The following SBNO2 variants were observed in gnomAD, a reference collection of about 807,000 sequenced individuals.
The protein encoded by SBNO2 is protein strawberry notch homolog 2.
SBNO2 carries 89 observed loss-of-function variants against 146.3 expected under a neutral mutation model. That is an observed-to-expected ratio of 0.61 (90% CI 0.51 to 0.73). The LOEUF is 0.73. SBNO2 is among the 30% of genes least tolerant of loss of function. SBNO2 has a pLI of 0.00. For synonymous variants in SBNO2, 1,147 were observed against 892.6 expected (o/e 1.29, Z -5.08); for missense variants, 2,092 against 2,003.7 (o/e 1.04, Z -0.84).
intron 2 of SBNO2, 28 bp from the exon 3 acceptor site, chr19:1,149,470 T>TG: frequency 6.5e-7 from 1 of 1,546,412 alleles, no homozygotes; most frequent in Non-Finnish European, 8.7e-7. Flanking sequence ...CATCAGTGAG[T>TG]GGGAAGCAGA....
rs1035444029 is a variant in SBNO2 at position 1,109,984 on chromosome 19, G to A, written c.3029-207C>T. Among the ~76,000 whole-genome samples the A allele has an allele frequency of 2.6e-5, 4 of 151,402 alleles. No homozygotes were observed. Among genetic ancestry groups the A allele is most frequent in the South Asian group, 2.1e-4 (1 of 4,776 alleles). ...AACCGCTCAGGTCCTAGGTAACCCC[G>A]AGCAGGCTGTGGGGGATCGTGGGAG... On this transcript the variant is annotated intron_variant, in intron 26 of 31. Transcript: ENST00000361757. The surrounding 1 kb of genome is among the most constrained non-coding windows in gnomAD (Gnocchi z 4.2).
chr19:1,166,117 C>T (rs1206651490), intron 1 of SBNO2, among the ~76,000 whole-genome samples: 2 of 109,370 alleles, frequency 1.8e-5, no homozygotes, highest in East Asian at 5.8e-4. Flanking sequence ...GATCTCAGAC[C>T]CCAGATCCCA....
intron 1 of SBNO2, among the ~76,000 whole-genome samples, chr19:1,169,676 G>A (rs1599890827): frequency 6.6e-6 from 1 of 152,126 alleles, no homozygotes; most frequent in Non-Finnish European, 1.5e-5. Context: ...CTGGCTGCAG[G>A]CTGCCTGACC....
intron 16 of SBNO2, 56 bp downstream of exon 16, chr19:1,116,773 G>A: frequency 1.4e-6 from 2 of 1,435,082 alleles, no homozygotes. Context: ...TGGCCACAGA[G>A]AGGGGTGGCC....
At position 1,112,180 on chromosome 19, in the gene SBNO2, C is replaced by A. The variant is rs777163133; in HGVS notation, c.2628+9G>T. ...TCCCTGGTTCTCAGCCCCACCCCCA[C>A]CTGCTCACCAGACTCTCCAGGCGCT... On this transcript the variant is annotated intron_variant, in intron 22 of 31. Transcript: ENST00000361757. The surrounding 1 kb of genome is among the most constrained non-coding windows in gnomAD (Gnocchi z 5.9). 5.6e-5 allele frequency: 89 copies of A among 1,583,864 alleles called. No homozygotes were observed. The highest frequency in any genetic ancestry group is 7.3e-5 in the Non-Finnish European group (85 of 1,165,036).
chr19:1,109,782 G>C lies in SBNO2; in HGVS notation c.3029-5C>G, dbSNP rs370777286. On this transcript the variant is annotated splice_region_variant and splice_polypyrimidine_tract_variant and intron_variant, in intron 26 of 31. Coordinates refer to ENST00000361757, the MANE Select transcript of SBNO2 (RefSeq NM_014963.3). The surrounding 1 kb of genome is among the most constrained non-coding windows in gnomAD (Gnocchi z 4.2). ...CCTCGATACCGGGAGCAAGGTCTAG[G>C]GGGGCGGGTGGAGGGTAAGTGGTGT... 654 of 1,577,582 alleles carry C rather than the reference G, an allele frequency of 4.1e-4. No individual in the cohort carries two copies. The highest frequency in any genetic ancestry group is 4.2e-4 in the Non-Finnish European group (492 of 1,158,114).
In SBNO2 at chr19:1,149,146, G is replaced by C. The variant is rs187316677; in HGVS notation, c.167+223C>G. On this transcript the variant is annotated intron_variant, in intron 3 of 31. Transcript: ENST00000361757. ...CCGCCCTCTACCAAGCTGGGCTCTCGAGGAGAGGGAAGCCATGGATCACAA... is the reference window on the plus strand; with the variant it reads ...CCGCCCTCTACCAAGCTGGGCTCTCCAGGAGAGGGAAGCCATGGATCACAA... Among the ~76,000 whole-genome samples the C allele has an allele frequency of 8.3e-5, 12 of 144,768 alleles. No individual in the cohort carries two copies. The East Asian group carries it at 2.3e-3, about 27-fold the overall frequency. 95.0% of individuals were successfully genotyped at this position (144,768 alleles called of 152,430 possible).
Position 1,109,621 on chromosome 19 carries a change from G to GGT in SBNO2, c.3124-25_3124-24dup. 1 of 1,567,092 alleles carries GGT rather than the reference G, an allele frequency of 6.4e-7. No homozygotes were observed. Among genetic ancestry groups the GGT allele is most frequent in the Non-Finnish European group, 8.7e-7 (1 of 1,155,796 alleles). ...GATCTGCCACGGCACGGGGTGGGGG[G>GGT]GTGTGAGTGTGGTGGGGGCGGGGTG... On this transcript the variant is annotated intron_variant, in intron 27 of 31. Coordinates refer to ENST00000361757, the MANE Select transcript of SBNO2 (RefSeq NM_014963.3). The surrounding 1 kb of genome is among the most constrained non-coding windows in gnomAD (Gnocchi z 4.2).
Position 1,121,761 on chromosome 19 carries a change from C to G in SBNO2, c.1149+378G>C, listed in dbSNP as rs561175731. On this transcript the variant is annotated intron_variant, in intron 11 of 31. Coordinates refer to ENST00000361757, the MANE Select transcript of SBNO2 (RefSeq NM_014963.3). ...CAGCTCAGTGGCCACCCTCTGCCCACGGCATCATGGCAAACATCAGGACCA... is the reference window on the plus strand; with the variant it reads ...CAGCTCAGTGGCCACCCTCTGCCCAGGGCATCATGGCAAACATCAGGACCA... Among the ~76,000 whole-genome samples the G allele has an allele frequency of 8.5e-4, 130 of 152,298 alleles. 1 individual carries two copies. Among genetic ancestry groups the G allele is most frequent in the African/African-American group, 2.9e-3 (122 of 41,554 alleles).
chr19:1,158,220 C>T lies in SBNO2; in HGVS notation c.-126-3818G>A, dbSNP rs2080310612. Among the ~76,000 whole-genome samples, 1 of 152,232 alleles carries T rather than the reference C, an allele frequency of 6.6e-6. No individual in the cohort carries two copies. Among genetic ancestry groups the T allele is most frequent in the Non-Finnish European group, 1.5e-5 (1 of 68,032 alleles). ...CCTCCCCCTGGGGGTCCCTGAGCAC[C>T]TGTCGTGTGGAGCCCCTTCGCGCGC... On this transcript the variant is annotated intron_variant, in intron 1 of 31. Transcript: ENST00000361757. The surrounding 1 kb of genome is among the most constrained non-coding windows in gnomAD (Gnocchi z 9.9).
Position 1,108,832 on chromosome 19 carries a change from C to T in SBNO2, c.3563G>A (p.Ser1188Asn). 4 of 1,601,826 alleles carry T rather than the reference C, an allele frequency of 2.5e-6. No homozygotes were observed. Among genetic ancestry groups the T allele is most frequent in the South Asian group, 1.1e-5 (1 of 90,918 alleles). ...CAGCCGCACGATCTGCAGGTAGCTG[C>T]TGCTGCTGACGTCGGCCATGACGGC... ...IAAVMADVSS[S>N]SYLQIVRLKT... Residue 1188 changes from serine (S) to asparagine (N), a missense_variant, in exon 31 of 32, where the codon AGC becomes AAC. Coordinates refer to ENST00000361757, the MANE Select transcript of SBNO2 (RefSeq NM_014963.3).
rs1020126861 is a variant in SBNO2, at chr19:1,173,174, T to A, written c.-127+998A>T. The stretch of plus-strand genomic sequence containing the variant: ...TTGGTCCCTCCAGGCCCCACCTGCC[T>A]TATTCTTCGGGACTCTGGGGTGGTG... On this transcript the variant is annotated intron_variant, in intron 1 of 31. Transcript: ENST00000361757. This position sits in a 1 kb window ranked among gnomAD's most constrained non-coding sequence, Gnocchi z 4.7. 6.6e-6 allele frequency among the ~76,000 whole-genome samples: 1 copy of A among 152,008 alleles called. No individual in the cohort carries two copies. Among genetic ancestry groups the A allele is most frequent in the Non-Finnish European group, 1.5e-5 (1 of 67,994 alleles).
chr19:1,172,773 CAA>C (rs2145368788), intron 1 of SBNO2, among the ~76,000 whole-genome samples: 2 of 81,306 alleles, frequency 2.5e-5, no homozygotes, highest in African/African-American at 1.3e-4. Flanking sequence ...ACACTCACTG[CAA>C]CCGCCCCCCC....
chr19:1,151,485 C>T (rs914285290), intron 2 of SBNO2, among the ~76,000 whole-genome samples: 4 of 152,214 alleles, frequency 2.6e-5, no homozygotes, highest in Admixed American at 6.5e-5. Context: ...CACACACACC[C>T]GAGTCCCACC....
At position 1,154,299 on chromosome 19, in the gene SBNO2, C is replaced by G. The variant is rs772855981; in HGVS notation, c.-23G>C. 8.1e-7 allele frequency: 1 copy of G among 1,236,540 alleles called. No homozygotes were observed. Among genetic ancestry groups the G allele is most frequent in the African/African-American group, 1.5e-5 (1 of 64,544 alleles). The allele number at this position is 1,236,540 out of a possible 1,614,324, so 76.6% of individuals were successfully genotyped here. A position where few individuals can be genotyped will look rare whatever the true frequency, so the allele number is the denominator to read the frequency against. ...CATCGGGCGGCAGGCGGGGTGGGGT[C>G]CTCGGCCGGGCAGCAGGCGGCGGGA... is the stretch of plus-strand genomic sequence containing the variant. On this transcript the variant is annotated 5_prime_UTR_variant, in exon 2 of 32. Transcript: ENST00000361757.
chr19:1,122,992 T>A lies in SBNO2; in HGVS notation c.682A>T (p.Ser228Cys). 6.3e-7 allele frequency: 1 copy of A among 1,582,400 alleles called. No homozygotes were observed. The stretch of plus-strand genomic sequence containing the variant: ...TAGGTGATGTCTGGGGGTGGGACGC[T>A]GGACAGTGTGCTGGTCTCCACCACG... ...DRVVETSTLS[S>C]VPPPDITYTL... is the part of the protein sequence containing the mutation. Residue 228 changes from serine (S) to cysteine (C), a missense_variant, in exon 8 of 32, where the codon AGC becomes TGC. Coordinates refer to ENST00000361757, the MANE Select transcript of SBNO2 (RefSeq NM_014963.3).
intron 4 of SBNO2, among the ~76,000 whole-genome samples, chr19:1,138,909 C>T (rs960939086): frequency 6.6e-5 from 10 of 150,954 alleles, no homozygotes; most frequent in African/African-American, 2.0e-4. Flanking sequence ...GTCCTCCACG[C>T]GTCCATCACA....
chr19:1,154,071 A>G (rs3752227), intron 2 of SBNO2, 113 bp downstream of exon 2: 29,287 of 472,214 alleles, frequency 0.062, 1,546 homozygotes, highest in East Asian at 0.25. Flanking sequence ...TCAGGTGGAG[A>G]TCACGCCGCG....
At position 1,144,651 on chromosome 19, in the gene SBNO2, CAG is replaced by C. The variant is rs1568612301; in HGVS notation, c.279+2656_279+2657del. 6.8e-6 allele frequency among the ~76,000 whole-genome samples: 1 copy of C among 147,086 alleles called. No individual in the cohort carries two copies. Among genetic ancestry groups the C allele is most frequent in the African/African-American group, 2.5e-5 (1 of 39,470 alleles). On this transcript the variant is annotated intron_variant, in intron 4 of 31. Coordinates refer to ENST00000361757, the MANE Select transcript of SBNO2 (RefSeq NM_014963.3). The surrounding 1 kb of genome is among the most constrained non-coding windows in gnomAD (Gnocchi z 4.1). ...ACGAAGACAGAGAGGGCGACAGAGA[CAG>C]AGGCAGAGAGGGAAACAGACGAAGA...
Sources: gnomAD v4.1 joint callset for allele counts (sites outside exome capture counted in the v4.1 genomes callset) on GRCh38, gnomAD v4.1.1 for gene constraint, Gnocchi (gnomAD v3.1) non-coding constraint, MANE v1.5 for transcripts, NCBI Gene and HGNC (gene_info 2026-07-23, HGNC 2026-07-21) for gene names.